NRXN1: variants seen among roughly 807,000 people sequenced by gnomAD.
NRXN1 encodes neurexin-1.
In NRXN1, 39 loss-of-function variants were observed where a neutral mutation model predicts 150.9. That is an observed-to-expected ratio of 0.26 (90% CI 0.20 to 0.34). NRXN1 has a LOEUF of 0.34. Ranked by LOEUF, NRXN1 falls within the 10% of genes least tolerant of loss-of-function variation. The probability of loss-of-function intolerance (pLI) is 1.00; values close to 1 mark genes in which losing one functional copy is unlikely to be tolerated. For synonymous variants in NRXN1, 924 were observed against 757.0 expected (o/e 1.22, Z -3.62); for missense variants, 1,815 against 1,949.9 (o/e 0.93, Z 1.30).
In NRXN1 at chr2:51,014,355, A is replaced by G. The variant is rs1048493382; in HGVS notation, c.772+13147T>C. Among the ~76,000 whole-genome samples, 11 of 152,102 alleles carry G rather than the reference A, an allele frequency of 7.2e-5. No individual in the cohort carries two copies. In the East Asian group the frequency reaches 1.7e-3, roughly 24 times the overall value. On this transcript the variant is annotated intron_variant, in intron 2 of 22. Coordinates refer to ENST00000401669, the MANE Select transcript of NRXN1 (RefSeq NM_001330078.2). ...AGACAGCACTCTTTCTCTTAGGCAG[A>G]TAAAGATAATTGAAGAGGATGCTAA... is the stretch of plus-strand genomic sequence containing the variant.
intron 17 of NRXN1, among the ~76,000 whole-genome samples, chr2:50,264,344 T>C (rs2068624568): frequency 6.6e-6 from 1 of 152,096 alleles, no homozygotes; most frequent in African/African-American, 2.4e-5. Context: ...TGGAGATTCA[T>C]TAACATTTCA....
At chr2:50,552,547 G>T in intron 9 of NRXN1, 40 bp downstream of exon 9, 1 of 1,477,522 alleles carries the variant, frequency 6.8e-7, no homozygotes, top group Non-Finnish European at 9.4e-7. Context: ...TGGGTGGGGT[G>T]CTCCAGCAGA....
intron 5 of NRXN1, among the ~76,000 whole-genome samples, chr2:50,848,698 T>A (rs10460545): frequency 0.099 from 15,074 of 152,194 alleles, 848 homozygotes; most frequent in Middle Eastern, 0.11. Context: ...TCTTATACCC[T>A]AAAATGATTA....
At chr2:50,640,878 A>G (rs867448121) in intron 5 of NRXN1, among the ~76,000 whole-genome samples, 34 of 152,160 alleles carry the variant, frequency 2.2e-4, no homozygotes, top group Admixed American at 2.0e-3. Flanking sequence ...GTAACCATTC[A>G]AAGAAGGCAA....
At chr2:50,706,180 T>C (rs774482040) in intron 5 of NRXN1, among the ~76,000 whole-genome samples, 1 of 152,172 alleles carries the variant, frequency 6.6e-6, no homozygotes, top group Non-Finnish European at 1.5e-5. Context: ...CTGCCTTCTT[T>C]ACATCTTTGT....
intron 5 of NRXN1, among the ~76,000 whole-genome samples, chr2:50,686,764 T>C (rs1691294210): frequency 6.6e-6 from 1 of 152,172 alleles, no homozygotes; most frequent in Non-Finnish European, 1.5e-5. Flanking sequence ...GCCAAGTCAA[T>C]GAAGCAAAGA....
chr2:49,988,498 T>C (rs1375923816), intron 21 of NRXN1, among the ~76,000 whole-genome samples: 1 of 151,940 alleles, frequency 6.6e-6, no homozygotes, highest in Admixed American at 6.6e-5. Flanking sequence ...AGTTTTACAT[T>C]ACCTAAACTC....
intron 2 of NRXN1, among the ~76,000 whole-genome samples, chr2:50,994,298 C>A (rs1698964091): frequency 6.6e-6 from 1 of 151,888 alleles, no homozygotes; most frequent in Non-Finnish European, 1.5e-5. Context: ...TCCATCAAGG[C>A]TACATTTCCA....
In NRXN1 at chr2:50,603,682, A is replaced by C. The variant is rs539868602; in HGVS notation, c.1320+16340T>G. Among the ~76,000 whole-genome samples, 589 of 152,280 alleles carry C rather than the reference A, an allele frequency of 3.9e-3. 3 individuals are homozygous for C. The highest frequency in any genetic ancestry group is 7.7e-3 in the Non-Finnish European group (524 of 68,022). ...TAAGAACTTTAAGAAATTTATATAAAAATGTTTTCTGTGTTTGCAACCACA... is the reference window on the plus strand; with the variant it reads ...TAAGAACTTTAAGAAATTTATATAACAATGTTTTCTGTGTTTGCAACCACA... On this transcript the variant is annotated intron_variant, in intron 8 of 22. Transcript: ENST00000401669.
intron 5 of NRXN1, among the ~76,000 whole-genome samples, chr2:50,801,942 A>C: frequency 6.6e-6 from 1 of 152,168 alleles, no homozygotes; most frequent in Admixed American, 6.6e-5. Flanking sequence ...ATGTGACCAA[A>C]GGTTTTTAAG....
chr2:50,507,815 C>T (rs13429402), intron 12 of NRXN1, among the ~76,000 whole-genome samples: 48,823 of 151,346 alleles, frequency 0.32, 8,908 homozygotes, highest in Middle Eastern at 0.51. Context: ...TGGAAACATG[C>T]TGGTACATTA....
intron 5 of NRXN1, among the ~76,000 whole-genome samples, chr2:50,895,738 G>A (rs974988428): frequency 3.3e-5 from 5 of 151,600 alleles, no homozygotes; most frequent in African/African-American, 7.3e-5. Flanking sequence ...GCGCCACCAC[G>A]CCTGGCTAAT....
intron 5 of NRXN1, among the ~76,000 whole-genome samples, chr2:50,767,860 G>C (rs1702553022): frequency 6.6e-6 from 1 of 151,848 alleles, no homozygotes; most frequent in South Asian, 2.1e-4. Context: ...CTAATTAAGG[G>C]CATTAAACAT....
rs555739380 is a variant in NRXN1, at chr2:50,347,476, G to A, written c.3365-110506C>T. 1 of 1,074,012 alleles carries A rather than the reference G, an allele frequency of 9.3e-7. No homozygotes were observed. Among genetic ancestry groups the A allele is most frequent in the Non-Finnish European group, 1.1e-6 (1 of 881,670 alleles). The allele number at this position is 1,074,012 out of a possible 1,614,324, so 66.5% of individuals were successfully genotyped here. ...CTTTCAAGACAGAAGCAGACCCCAT[G>A]GAATCCAGGCGCCCCTTCCCTCCAT... On this transcript the variant is annotated intron_variant, in intron 17 of 22. Transcript: ENST00000401669. This position sits in a 1 kb window ranked among gnomAD's most constrained non-coding sequence, Gnocchi z 4.9.
rs116622505 is a variant in NRXN1, at chr2:50,805,930, G to C, written c.832+115939C>G. On this transcript the variant is annotated intron_variant, in intron 5 of 22. Transcript: ENST00000401669. ...CACACAGAATATTCTTTTCACTACA[G>C]AACATACCTACCTATATTTTGGCTG... Among the ~76,000 whole-genome samples the C allele has an allele frequency of 5.2e-3, 793 of 152,104 alleles. 7 individuals are homozygous for C. Among genetic ancestry groups the C allele is most frequent in the African/African-American group, 0.018 (764 of 41,488 alleles).
At chr2:50,429,446 G>C (rs2084771056) in intron 17 of NRXN1, among the ~76,000 whole-genome samples, 1 of 152,022 alleles carries the variant, frequency 6.6e-6, no homozygotes, top group East Asian at 1.9e-4. Flanking sequence ...TAGTAGGGAG[G>C]GGGTTTCATT....
chr2:50,128,144 G>A (rs894703509), intron 18 of NRXN1, among the ~76,000 whole-genome samples: 1 of 152,172 alleles, frequency 6.6e-6, no homozygotes, highest in African/African-American at 2.4e-5. Context: ...TACCATGATA[G>A]CTGAGATGTT....
chr2:49,998,074 G>A (rs551536804), intron 21 of NRXN1, among the ~76,000 whole-genome samples: 1 of 152,222 alleles, frequency 6.6e-6, no homozygotes, highest in South Asian at 2.1e-4. Flanking sequence ...TAGCCATCAA[G>A]CAGAAATTTC....
At chr2:50,894,502 C>T (rs1011006713) in intron 5 of NRXN1, among the ~76,000 whole-genome samples, 18 of 151,732 alleles carry the variant, frequency 1.2e-4, no homozygotes, top group South Asian at 4.1e-4. Context: ...TTTCCATAAA[C>T]GCAGAACACT....
Sources: gnomAD v4.1 joint callset for allele counts (sites outside exome capture counted in the v4.1 genomes callset) on GRCh38, gnomAD v4.1.1 for gene constraint, Gnocchi (gnomAD v3.1) non-coding constraint, MANE v1.5 for transcripts, NCBI Gene and HGNC (gene_info 2026-07-23, HGNC 2026-07-21) for gene names.